The following ZNF256 variants were observed in gnomAD, a reference collection of about 807,000 sequenced individuals.
The protein encoded by ZNF256 is bone marrow zinc finger 3.
A neutral mutation model predicts 7.9 loss-of-function variants in ZNF256; 4 were observed. The ratio of observed to expected loss-of-function variants is 0.50; its 90% CI spans 0.25 to 1.15. The LOEUF (loss-of-function observed/expected upper bound fraction) is 1.15, where lower values mean the gene tolerates loss of function less well. Among genes scored for constraint, ZNF256 ranks in the 50% most tolerant of loss-of-function variants. The pLI is 0.15. For synonymous variants in ZNF256, 260 were observed against 260.4 expected (o/e 1.00, Z 0.02); for missense variants, 666 against 755.9 (o/e 0.88, Z 1.39).
At position 57,947,484 on chromosome 19, in the gene ZNF256, T is replaced by C; in HGVS notation, c.-10A>G. The C allele has an allele frequency of 8.0e-7, 1 of 1,249,262 alleles. No individual in the cohort carries two copies. Among genetic ancestry groups the C allele is most frequent in the Non-Finnish European group, 1.0e-6 (1 of 988,678 alleles). The allele number at this position is 1,249,262 out of a possible 1,614,324, so 77.4% of individuals were successfully genotyped here. ...GCTCGGCCGCCGCCATCTGACTCTG[T>C]GAGCGGAGCGGGGCCAGAGAGGATG... On this transcript the variant is annotated 5_prime_UTR_variant, in exon 1 of 3. Transcript: ENST00000282308.
intron 1 of ZNF256, 39 bp from the exon 2 acceptor site, chr19:57,944,099 T>A: frequency 2.5e-6 from 4 of 1,611,198 alleles, no homozygotes; most frequent in Non-Finnish European, 3.4e-6. Flanking sequence ...AAACGGTTCC[T>A]CCTCTCAGGA....
chr19:57,942,197 A>T lies in ZNF256; in HGVS notation c.611T>A (p.Phe204Tyr). The change falls in exon 3 of 3, where the codon TTT (phenylalanine) becomes TAT (tyrosine). Residue 204 changes from phenylalanine to tyrosine, a missense_variant. By Grantham distance (22) the Phe-to-Tyr change is conservative. Coordinates refer to ENST00000282308, the MANE Select transcript of ZNF256 (RefSeq NM_005773.3). ...GTTGTAATGATTTTTTACACTGTGA[A>T]AGGCCACTGCACTCTTGGTTCTGTT... ...KSNRTKSAVA[F>Y]HSVKNHYNWG... The T allele has an allele frequency of 6.2e-7, 1 of 1,614,236 alleles. No individual in the cohort carries two copies.
chr19:57,943,634 G>A (rs2072745297), intron 2 of ZNF256, among the ~76,000 whole-genome samples: 1 of 152,214 alleles, frequency 6.6e-6, no homozygotes, highest in African/African-American at 2.4e-5. Context: ...AGTAGAACCT[G>A]GGCCTTGAGG....
rs752538367 is a variant in ZNF256 at position 57,942,407 on chromosome 19, T to C, written c.401A>G (p.His134Arg). Residue 134 changes from histidine to arginine, a missense_variant, in exon 3 of 3, where the codon CAT becomes CGT. Physicochemically the swap from His to Arg is conservative, Grantham distance 29. Coordinates refer to ENST00000282308, the MANE Select transcript of ZNF256 (RefSeq NM_005773.3). ...RKQLQFTAYL[H>R]QHQKQHVGQK... ...TCCAACATGCTGCTTCTGGTGCTGA[T>C]GAAGGTATGCAGTAAATTGTAATTG... is the stretch of plus-strand genomic sequence containing the variant. The C allele has an allele frequency of 5.0e-6, 8 of 1,614,098 alleles. No individual in the cohort carries two copies. The African/African-American group carries it at 1.1e-4, about 22-fold the overall frequency.
rs1009825964 is a variant in ZNF256 at position 57,947,537 on chromosome 19, C to G, written c.-63G>C. The G allele has an allele frequency of 3.4e-5, 42 of 1,244,484 alleles. No individual in the cohort carries two copies. Among genetic ancestry groups the G allele is most frequent in the Non-Finnish European group, 2.4e-5 (24 of 984,440 alleles). 77.1% of individuals were successfully genotyped at this position (1,244,484 alleles called of 1,614,324 possible). A position where few individuals can be genotyped will look rare whatever the true frequency, so the allele number is the denominator to read the frequency against. ...CTTATTCCGGGCCGGGCCTGGGTAC[C>G]CTGGGCGCCGCCGAGCCTCAGCCAC... On this transcript the variant is annotated 5_prime_UTR_variant, in exon 1 of 3. Transcript: ENST00000282308.
chr19:57,942,355 G>A lies in ZNF256; in HGVS notation c.453C>T (p.Gly151=). 1 of 1,614,172 alleles carries A rather than the reference G, an allele frequency of 6.2e-7. No homozygotes were observed. Among genetic ancestry groups the A allele is most frequent in the East Asian group, 2.2e-5 (1 of 44,890 alleles). The change falls in exon 3 of 3, where the codon GGC becomes GGT. Residue 151 remains glycine (G), a synonymous_variant. Coordinates refer to ENST00000282308, the MANE Select transcript of ZNF256 (RefSeq NM_005773.3). The part of the protein sequence containing the change: ...VGQKHFRSNG[G]RDMFLSSCTF... ...TGCAGCTGCTCAAAAACATGTCTCT[G>A]CCCCCATTGCTTCTGAAGTGTTTCT... is the stretch of plus-strand genomic sequence containing the variant.
chr19:57,945,012 T>C (rs1040136730), intron 1 of ZNF256, among the ~76,000 whole-genome samples: 6 of 151,834 alleles, frequency 4.0e-5, no homozygotes, highest in Non-Finnish European at 7.4e-5. Context: ...TCTCCTACCT[T>C]AGCCTCCCAA....
Position 57,941,753 on chromosome 19 carries a change from T to C in ZNF256, c.1055A>G (p.Glu352Gly), listed in dbSNP as rs752366450. The change falls in exon 3 of 3, where the codon GAG becomes GGG. Residue 352 changes from glutamate to glycine, a missense_variant. By Grantham distance (98) the Glu-to-Gly change is moderately conservative. Transcript: ENST00000282308. ...QRIHTGMRPY[E>G]CSECGKSFIH... ...AAAAGATTTCCCACATTCACTGCAC[T>C]CATAAGGCCTCATTCCAGTATGAAT... 1 of 1,613,390 alleles carries C rather than the reference T, an allele frequency of 6.2e-7. No individual in the cohort carries two copies. The highest frequency in any genetic ancestry group is 8.5e-7 in the Non-Finnish European group (1 of 1,179,814).
At position 57,942,453 on chromosome 19, in the gene ZNF256, T is replaced by C; in HGVS notation, c.355A>G (p.Thr119Ala). Reference protein sequence around the residue: ...QGTHHGQKLYTDGACRKQLQF... With the variant: ...QGTHHGQKLYADGACRKQLQF... ...AATTGTTTCCTACATGCCCCGTCTG[T>C]ATACAGTTTCTGACCATGGTGTGTT... Residue 119 changes from threonine to alanine, a missense_variant, in exon 3 of 3, where the codon ACA (threonine) becomes GCA (alanine). By Grantham distance (58) the Thr-to-Ala change is moderately conservative. Coordinates refer to ENST00000282308, the MANE Select transcript of ZNF256 (RefSeq NM_005773.3). The C allele has an allele frequency of 6.2e-7, 1 of 1,614,242 alleles. No individual in the cohort carries two copies. The highest frequency in any genetic ancestry group is 8.5e-7 in the Non-Finnish European group (1 of 1,180,046).
At position 57,947,520 on chromosome 19, in the gene ZNF256, G is replaced by A. The variant is rs1405357795; in HGVS notation, c.-46C>T. On this transcript the variant is annotated 5_prime_UTR_variant, in exon 1 of 3. Transcript: ENST00000282308. ...GGGCCAGAGAGGATGTCCTTATTCC[G>A]GGCCGGGCCTGGGTACCCTGGGCGC... 8.0e-7 allele frequency: 1 copy of A among 1,248,816 alleles called. No individual in the cohort carries two copies. Among genetic ancestry groups the A allele is most frequent in the Non-Finnish European group, 1.0e-6 (1 of 988,240 alleles). 77.4% of individuals were successfully genotyped at this position (1,248,816 alleles called of 1,614,324 possible).
intron 2 of ZNF256, among the ~76,000 whole-genome samples, chr19:57,943,516 G>A (rs1042199710): frequency 6.6e-6 from 1 of 152,184 alleles, no homozygotes; most frequent in African/African-American, 2.4e-5. Context: ...GAGAAATTCA[G>A]AGGAGGATTT....
intron 1 of ZNF256, among the ~76,000 whole-genome samples, chr19:57,945,951 G>A (rs1410960796): frequency 6.6e-6 from 1 of 152,118 alleles, no homozygotes; most frequent in Non-Finnish European, 1.5e-5. Context: ...GAAACACCCA[G>A]GCCCCATCAA....
At chr19:57,943,306 C>G (rs1490644972) in intron 2 of ZNF256, among the ~76,000 whole-genome samples, 4 of 152,144 alleles carry the variant, frequency 2.6e-5, no homozygotes, top group African/African-American at 7.2e-5. Context: ...GAATGTCCTC[C>G]TTTAGGTGTT....
intron 1 of ZNF256, 73 bp from the exon 2 acceptor site, chr19:57,944,133 T>A: frequency 6.3e-7 from 1 of 1,595,268 alleles, no homozygotes; most frequent in Non-Finnish European, 8.6e-7. Flanking sequence ...CCCTCACACA[T>A]TTACCCCATG....
In ZNF256 at chr19:57,941,802, AGCTATG is replaced by A. The variant is rs1340162959; in HGVS notation, c.1000_1005del (p.His334_Ser335del). 1 of 1,613,886 alleles carries A rather than the reference AGCTATG, an allele frequency of 6.2e-7. No individual in the cohort carries two copies. Among genetic ancestry groups the A allele is most frequent in the Non-Finnish European group, 8.5e-7 (1 of 1,179,948 alleles). ...ATTCTCTGGTGTGTAATGAGGCTAG[AGCTATG>A]GCTAAAGGATTTCCCACATTCACTG... is the stretch of plus-strand genomic sequence containing the variant. On this transcript the variant is annotated inframe_deletion, in exon 3 of 3. Coordinates refer to ENST00000282308, the MANE Select transcript of ZNF256 (RefSeq NM_005773.3).
chr19:57,941,099 G>C lies in ZNF256; in HGVS notation c.1709C>G (p.Thr570Ser). The change falls in exon 3 of 3, where the codon ACC becomes AGC. Residue 570 changes from threonine to serine, a missense_variant. Coordinates refer to ENST00000282308, the MANE Select transcript of ZNF256 (RefSeq NM_005773.3). ...SSLVKHRRVH[T>S]GERPYECSEC... Reference sequence around the variant, plus strand: ...ACTGCATTCATAAGGCCTTTCTCCGGTATGAACTCTTCGGTGTTTAACGAG... The same window carrying C: ...ACTGCATTCATAAGGCCTTTCTCCGCTATGAACTCTTCGGTGTTTAACGAG... 1 of 1,614,126 alleles carries C rather than the reference G, an allele frequency of 6.2e-7. No homozygotes were observed. The highest frequency in any genetic ancestry group is 8.5e-7 in the Non-Finnish European group (1 of 1,180,016).
intron 2 of ZNF256, 134 bp from the exon 3 acceptor site, chr19:57,942,781 A>G (rs1054881884): frequency 1.9e-6 from 2 of 1,043,334 alleles, no homozygotes; most frequent in Non-Finnish European, 2.8e-6. Context: ...TGTTGGGTTC[A>G]AGTTGAAGAT....
intron 2 of ZNF256, among the ~76,000 whole-genome samples, chr19:57,943,646 G>A (rs531329064): frequency 6.6e-6 from 1 of 152,350 alleles, no homozygotes; most frequent in South Asian, 2.1e-4. Flanking sequence ...GCCTTGAGGA[G>A]CCTCGAATCT....
At chr19:57,944,817 C>T (rs8104350) in intron 1 of ZNF256, among the ~76,000 whole-genome samples, 2 of 151,920 alleles carry the variant, frequency 1.3e-5, no homozygotes, top group Admixed American at 6.6e-5. Flanking sequence ...GGTGACACAG[C>T]GAGACTGCGT....
Sources: gnomAD v4.1 joint callset for allele counts (sites outside exome capture counted in the v4.1 genomes callset) on GRCh38, gnomAD v4.1.1 for gene constraint, MANE v1.5 for transcripts, NCBI Gene and HGNC (gene_info 2026-07-23, HGNC 2026-07-21) for gene names.